Variants in TMEM170B observed in about 807,000 individuals in gnomAD.
TMEM170B encodes transmembrane protein 170B.
A neutral mutation model predicts 13.0 loss-of-function variants in TMEM170B; 6 were observed. The ratio of observed to expected loss-of-function variants is 0.46; its 90% confidence interval spans 0.25 to 0.91. TMEM170B has a LOEUF of 0.91. TMEM170B is among the 40% of genes least tolerant of loss of function. The probability of loss-of-function intolerance (pLI) is 0.17; values close to 1 mark genes in which losing one functional copy is unlikely to be tolerated. For synonymous variants in TMEM170B, 61 were observed against 64.9 expected, an observed-to-expected ratio of 0.94 and a Z score of 0.29; for missense variants, 138 against 165.2, an observed-to-expected ratio of 0.84 and a Z score of 0.90.
intron 1 of TMEM170B, among the ~76,000 whole-genome samples, chr6:11,542,456 A>G (rs1204884243): frequency 6.6e-6 from 1 of 152,142 alleles, no homozygotes; most frequent in Non-Finnish European, 1.5e-5. Flanking sequence ...GGACCTTGCC[A>G]TTTCATAAAG....
intron 1 of TMEM170B, among the ~76,000 whole-genome samples, chr6:11,560,071 ACTGCATAC>A (rs1759642317): frequency 3.9e-5 from 6 of 152,080 alleles, no homozygotes; most frequent in African/African-American, 1.4e-4. Flanking sequence ...TTCTGTCTCT[ACTGCATAC>A]CCAGTATGCA....
chr6:11,575,681 A>T lies in TMEM170B; in HGVS notation c.*120A>T. 8.0e-7 allele frequency: 1 copy of T among 1,254,886 alleles called. No homozygotes were observed. Among genetic ancestry groups the T allele is most frequent in the Non-Finnish European group, 1.1e-6 (1 of 888,508 alleles). The allele number at this position is 1,254,886 out of a possible 1,614,324, so 77.7% of individuals were successfully genotyped here. A position where few individuals can be genotyped will look rare whatever the true frequency, so the allele number is the denominator to read the frequency against. ...GAATGTGGACTGAGCAGGTCAAAGC[A>T]TAAGGAAGACCTTGAGCTGTGTGGA... On this transcript the variant is annotated 3_prime_UTR_variant, in exon 3 of 3. Transcript: ENST00000379426. The surrounding 1 kb of genome is among the most constrained non-coding windows in gnomAD (Gnocchi z 4.1).
intron 2 of TMEM170B, among the ~76,000 whole-genome samples, chr6:11,567,135 A>G (rs992563427): frequency 1.3e-5 from 2 of 152,190 alleles, no homozygotes. Flanking sequence ...CACTCCTGAC[A>G]ACCTACCTAT....
At position 11,581,624 on chromosome 6, in the gene TMEM170B, T is replaced by G. The variant is rs1759958635; in HGVS notation, c.*6063T>G. 1 of 152,180 alleles carries G rather than the reference T, an allele frequency of 6.6e-6. No homozygotes were observed. Among genetic ancestry groups the G allele is most frequent in the Admixed American group, 6.5e-5 (1 of 15,288 alleles). The allele number at this position is 152,180 out of a possible 1,614,324, so 9.4% of individuals were successfully genotyped here. On this transcript the variant is annotated 3_prime_UTR_variant, in exon 3 of 3. Transcript: ENST00000379426. ...CGTCTGAGTCCCATAACTGTAACAC[T>G]TTTTCTCTTATAAATTGGTAGTTCC...
chr6:11,541,491 T>C lies in TMEM170B; in HGVS notation c.97+3117T>C, dbSNP rs141377631. On this transcript the variant is annotated intron_variant, in intron 1 of 2. Coordinates refer to ENST00000379426, the MANE Select transcript of TMEM170B (RefSeq NM_001100829.3). ...CCAGCCTGCATGGAATTGAAGAGAG[T>C]TGGGGTCTTTCTCTGGGTTAGGCTT... is the stretch of plus-strand genomic sequence containing the variant. 1.1e-3 allele frequency among the ~76,000 whole-genome samples: 172 copies of C among 152,232 alleles called. 3 individuals carry two copies. The East Asian group carries it at 0.025, about 23-fold the overall frequency.
At position 11,582,642 on chromosome 6, in the gene TMEM170B, G is replaced by A. The variant is rs1370627913; in HGVS notation, c.*7081G>A. 6.6e-6 allele frequency: 1 copy of A among 151,938 alleles called. No individual in the cohort carries two copies. The highest frequency in any genetic ancestry group is 1.5e-5 in the Non-Finnish European group (1 of 68,010). The allele number at this position is 151,938 out of a possible 1,614,324, so 9.4% of individuals were successfully genotyped here. ...GTTTTGTTGTAAACTAGAGATTCTA[G>A]TGAACAGTGTTAGTTTTATACTGTA... On this transcript the variant is annotated 3_prime_UTR_variant, in exon 3 of 3. Coordinates refer to ENST00000379426, the MANE Select transcript of TMEM170B (RefSeq NM_001100829.3).
chr6:11,542,957 T>G (rs1582136981), intron 1 of TMEM170B, among the ~76,000 whole-genome samples: 1 of 152,208 alleles, frequency 6.6e-6, no homozygotes, highest in African/African-American at 2.4e-5. Flanking sequence ...CCAAATCTTA[T>G]AGCTAGTATA....
At chr6:11,565,509 T>C (rs1759721410) in intron 1 of TMEM170B, among the ~76,000 whole-genome samples, 157 bp from the exon 2 acceptor site, 1 of 152,240 alleles carries the variant, frequency 6.6e-6, no homozygotes, top group South Asian at 2.1e-4. Flanking sequence ...ATAAAACTTA[T>C]AATGTATTCA....
At chr6:11,561,068 A>G (rs1759657919) in intron 1 of TMEM170B, among the ~76,000 whole-genome samples, 3 of 152,182 alleles carry the variant, frequency 2.0e-5, no homozygotes, top group African/African-American at 7.2e-5. Context: ...TCCAGGCAAA[A>G]TTAAGGTGAG....
chr6:11,542,205 C>T (rs755203144), intron 1 of TMEM170B, among the ~76,000 whole-genome samples: 3 of 152,062 alleles, frequency 2.0e-5, no homozygotes, highest in Admixed American at 6.6e-5. Flanking sequence ...AGATATTAAT[C>T]ACTGGATTAG....
Position 11,577,181 on chromosome 6 carries a change from C to T in TMEM170B, c.*1620C>T, listed in dbSNP as rs1158522891. ...ATCCAGAAGCAGAGTATATCCACAA[C>T]TTACCAATGAGAAGTTGGAGAGGCA... On this transcript the variant is annotated 3_prime_UTR_variant, in exon 3 of 3. Transcript: ENST00000379426. The T allele has an allele frequency of 6.6e-6, 1 of 152,084 alleles. No homozygotes were observed. The highest frequency in any genetic ancestry group is 1.9e-4 in the East Asian group (1 of 5,204). 9.4% of individuals were successfully genotyped at this position (152,084 alleles called of 1,614,324 possible).
chr6:11,551,666 A>T (rs1006776371), intron 1 of TMEM170B, among the ~76,000 whole-genome samples: 24 of 152,238 alleles, frequency 1.6e-4, no homozygotes, highest in African/African-American at 5.3e-4. Flanking sequence ...TGAAAATGTC[A>T]GTCATTATCC....
At chr6:11,548,024 G>C (rs1455625728) in intron 1 of TMEM170B, among the ~76,000 whole-genome samples, 1 of 152,034 alleles carries the variant, frequency 6.6e-6, no homozygotes, top group Non-Finnish European at 1.5e-5. Context: ...GTAGGGATGG[G>C]GACAAGGAAT....
At chr6:11,570,123 A>T (rs957794539) in intron 2 of TMEM170B, among the ~76,000 whole-genome samples, 1 of 152,156 alleles carries the variant, frequency 6.6e-6, no homozygotes, top group Non-Finnish European at 1.5e-5. Flanking sequence ...TTGCCATATT[A>T]TATCACCCAA....
At chr6:11,551,337 AC>A (rs1179442352) in intron 1 of TMEM170B, among the ~76,000 whole-genome samples, 1 of 152,148 alleles carries the variant, frequency 6.6e-6, no homozygotes, top group Non-Finnish European at 1.5e-5. Context: ...TCATACACAG[AC>A]CAGCTCTGGA....
In TMEM170B at chr6:11,579,764, A is replaced by G. The variant is rs1259024084; in HGVS notation, c.*4203A>G. The G allele has an allele frequency of 6.6e-6, 1 of 152,176 alleles. No homozygotes were observed. The highest frequency in any genetic ancestry group is 1.5e-5 in the Non-Finnish European group (1 of 68,040). The allele number at this position is 152,176 out of a possible 1,614,324, so 9.4% of individuals were successfully genotyped here. A position where few individuals can be genotyped will look rare whatever the true frequency, so the allele number is the denominator to read the frequency against. ...TTGACTCCCTTATCTATTCCCACTT[A>G]CTTCCCTTGGATTCATTCAGCCATG... On this transcript the variant is annotated 3_prime_UTR_variant, in exon 3 of 3. Transcript: ENST00000379426.
In TMEM170B at chr6:11,538,328, G is replaced by C; in HGVS notation, c.51G>C (p.Gln17His). 2.0e-6 allele frequency: 3 copies of C among 1,504,682 alleles called. No homozygotes were observed. The highest frequency in any genetic ancestry group is 1.3e-5 in the South Asian group (1 of 75,540). The allele number at this position is 1,504,682 out of a possible 1,614,324, so 93.2% of individuals were successfully genotyped here. Reference sequence around the variant, plus strand: ...CCATGATCAACCTGTCGGTGCAGCAGGTCCTGAGCCTCTGGGCCCACGGGA... The same window carrying C: ...CCATGATCAACCTGTCGGTGCAGCACGTCCTGAGCCTCTGGGCCCACGGGA... ...DHSMINLSVQ[Q>H]VLSLWAHGTV... Residue 17 changes from glutamine (Q) to histidine (H), a missense_variant, in exon 1 of 3, where the codon CAG (glutamine) becomes CAC (histidine). Gln to His is a conservative substitution (Grantham distance 24). Transcript: ENST00000379426.
chr6:11,548,421 A>AAAC (rs1260527223), intron 1 of TMEM170B, among the ~76,000 whole-genome samples: 12 of 152,192 alleles, frequency 7.9e-5, no homozygotes, highest in Non-Finnish European at 1.5e-5. Context: ...AAAAGTCAGG[A>AAAC]AACAACAGGT....
At chr6:11,569,663 A>G (rs907344828) in intron 2 of TMEM170B, among the ~76,000 whole-genome samples, 6 of 152,170 alleles carry the variant, frequency 3.9e-5, no homozygotes, top group Non-Finnish European at 5.9e-5. Context: ...GCCATAATTT[A>G]TCCTCCATAT....
Sources: allele counts gnomAD v4.1 joint callset (sites outside exome capture counted in the v4.1 genomes callset), GRCh38; gene constraint gnomAD v4.1.1; non-coding constraint Gnocchi (gnomAD v3.1); transcripts MANE v1.5; gene names NCBI Gene and HGNC (gene_info 2026-07-23, HGNC 2026-07-21).